Variants in CROCC observed in about 807,000 individuals in gnomAD.
CROCC encodes rootletin.
Under a neutral mutation model 245.2 loss-of-function variants are expected in CROCC, and 180 were observed. The ratio of observed to expected loss-of-function variants is 0.73; its 90% CI spans 0.65 to 0.83. The LOEUF is 0.83. CROCC is among the 40% of genes least tolerant of loss of function. The pLI is 0.00. For missense variants in CROCC, 2,688 were observed against 2,779.4 expected, an observed-to-expected ratio of 0.97 and a Z score of 0.74; for synonymous variants, 1,205 against 1,241.6, an observed-to-expected ratio of 0.97 and a Z score of 0.62.
At chr1:16,971,210 AGTGTGTGTGTGTGTGTGTGTGTGTGT>A (rs34364208) in intron 35 of CROCC, among the ~76,000 whole-genome samples, 1 of 144,024 alleles carries the variant, frequency 6.9e-6, no homozygotes, top group Admixed American at 6.9e-5. Context: ...ATGATGTCTG[AGTGTGTGTGTGTGTGTGTGTGTGTGT>A]GTGTGTGTGT....
chr1:16,930,303 A>G lies in CROCC; in HGVS notation c.639A>G (p.Gln213=). The G allele has an allele frequency of 6.2e-7, 1 of 1,607,004 alleles. No individual in the cohort carries two copies. The highest frequency in any genetic ancestry group is 8.5e-7 in the Non-Finnish European group (1 of 1,177,484). ...CCACCCAGGACACAGAGCACAGCCA[A>G]GACCTGGAAAGCGCCCTCATCCGGC... is the stretch of plus-strand genomic sequence containing the variant. ...QQRLRDTEHS[Q]DLESALIRLE... Residue 213 remains glutamine, a synonymous_variant, in exon 6 of 37, where the codon CAA becomes CAG. Coordinates refer to ENST00000375541, the MANE Select transcript of CROCC (RefSeq NM_014675.5).
At position 16,941,680 on chromosome 1, in the gene CROCC, C is replaced by G. The variant is rs1237270166; in HGVS notation, c.1808+1587C>G. Among the ~76,000 whole-genome samples, 4 of 151,662 alleles carry G rather than the reference C, an allele frequency of 2.6e-5. No individual in the cohort carries two copies. In the East Asian group the frequency reaches 7.7e-4, roughly 29 times the overall value. On this transcript the variant is annotated intron_variant, in intron 13 of 36. Transcript: ENST00000375541. ...CCGGGAGGCGGAGCTGGCAGCGAGC[C>G]GAGATGGCGCCACTGCACTCCAGCC...
rs755915443 is a variant in CROCC at position 16,966,662 on chromosome 1, T to C, written c.4860+91T>C. ...TTATGTGTGTCTCCCTGTGTCTGTC[T>C]GCCTGAGTCTCTCTGCAACCCACTG... On this transcript the variant is annotated intron_variant, in intron 30 of 36. Coordinates refer to ENST00000375541, the MANE Select transcript of CROCC (RefSeq NM_014675.5). This position sits in a 1 kb window ranked among gnomAD's most constrained non-coding sequence, Gnocchi z 4.8. 103 of 1,376,642 alleles carry C rather than the reference T, an allele frequency of 7.5e-5. No individual in the cohort carries two copies. The highest frequency in any genetic ancestry group is 6.7e-4 in the Middle Eastern group (3 of 4,508). 85.3% of individuals were successfully genotyped at this position (1,376,642 alleles called of 1,614,324 possible).
chr1:16,971,476 G>A lies in CROCC; in HGVS notation c.5796G>A (p.Val1932=). 6.5e-7 allele frequency: 1 copy of A among 1,534,938 alleles called. No homozygotes were observed. The highest frequency in any genetic ancestry group is 8.7e-7 in the Non-Finnish European group (1 of 1,145,038). The change falls in exon 36 of 37, where the codon GTG becomes GTA. Residue 1932 remains valine, a synonymous_variant. Coordinates refer to ENST00000375541, the MANE Select transcript of CROCC (RefSeq NM_014675.5). ...GCCCCTCCCTGCAGGCGCAGGTGGTGGTGCTGGAGCAGAGCCACAGCCCGG... is the reference window on the plus strand; with the variant it reads ...GCCCCTCCCTGCAGGCGCAGGTGGTAGTGCTGGAGCAGAGCCACAGCCCGG... ...RQIQQLEAQV[V]VLEQSHSPAQ...
chr1:16,939,769 A>C, intron 12 of CROCC, 125 bp from the exon 13 acceptor site: 1 of 1,190,456 alleles, frequency 8.4e-7, no homozygotes, highest in Admixed American at 2.1e-5. Context: ...ATCCTGCCCC[A>C]GGCCAGGTCC....
At chr1:16,950,593 G>A (rs2076142314) in intron 19 of CROCC, among the ~76,000 whole-genome samples, 1 of 152,232 alleles carries the variant, frequency 6.6e-6, no homozygotes, top group Non-Finnish European at 1.5e-5. Flanking sequence ...CCTGACCTAA[G>A]GTGATCCACC....
At chr1:16,951,264 G>GT (rs1334481137) in intron 20 of CROCC, 142 bp downstream of exon 20, 1 of 719,200 alleles carries the variant, frequency 1.4e-6, no homozygotes, top group African/African-American at 1.8e-5. Flanking sequence ...GGACTGGGGG[G>GT]ATGGGGAGGT....
chr1:16,920,589 A>G (rs1204789465), upstream of CROCC, among the ~76,000 whole-genome samples: 5 of 152,272 alleles, frequency 3.3e-5, no homozygotes, highest in Non-Finnish European at 7.3e-5. Flanking sequence ...CAAGTGACAG[A>G]GCTGAGTCTC....
In CROCC at chr1:16,946,239, C is replaced by A. The variant is rs755179193; in HGVS notation, c.2137-20C>A. 7.5e-6 allele frequency: 12 copies of A among 1,608,060 alleles called. No homozygotes were observed. The East Asian group carries it at 2.7e-4, about 36-fold the overall frequency. On this transcript the variant is annotated intron_variant, in intron 15 of 36. Coordinates refer to ENST00000375541, the MANE Select transcript of CROCC (RefSeq NM_014675.5). ...CCGACCTTTCTGCCTTTCCTCATTT[C>A]TCGGGGCCTGACCCTGCAGGCTGAG...
rs376055990 is a variant in CROCC, at chr1:16,954,754, G to C, written c.3342G>C (p.Thr1114=). The C allele has an allele frequency of 3.0e-4, 468 of 1,557,200 alleles. 2 individuals are homozygous for C. The South Asian group carries it at 3.1e-3, about 10-fold the overall frequency. The change falls in exon 23 of 37, where the codon ACG becomes ACC. Residue 1114 remains threonine (T), a synonymous_variant. Coordinates refer to ENST00000375541, the MANE Select transcript of CROCC (RefSeq NM_014675.5). The surrounding 1 kb of genome is among the most constrained non-coding windows in gnomAD (Gnocchi z 4.4). ...CCCAGAGCACCGTGAACGCTCTGAC[G>C]TCTGAGCTGCGGGACCTACGGGCCC... ...EQDRSTVNAL[T]SELRDLRAQR...
At position 16,948,957 on chromosome 1, in the gene CROCC, C is replaced by G. The variant is rs1172175547; in HGVS notation, c.2836+31C>G. ...AGGGGCTGGGGACTTGGGGGGAACA[C>G]CAGGTTCCAGCCCAGACTGCAGCCT... On this transcript the variant is annotated intron_variant, in intron 19 of 36. Transcript: ENST00000375541. 3.1e-6 allele frequency: 5 copies of G among 1,607,846 alleles called. No individual in the cohort carries two copies. The South Asian group carries it at 4.4e-5, about 14-fold the overall frequency.
chr1:16,922,199 T>C, intron 1 of CROCC, 121 bp downstream of exon 1: 2 of 1,058,812 alleles, frequency 1.9e-6, no homozygotes, highest in Admixed American at 6.2e-5. Context: ...GGTGGTGGGG[T>C]ATACAGGGGC....
Position 16,946,390 on chromosome 1 carries a change from C to G in CROCC, c.2268C>G (p.Asn756Lys), listed in dbSNP as rs780784912. 3 of 1,611,860 alleles carry G rather than the reference C, an allele frequency of 1.9e-6. No individual in the cohort carries two copies. The African/African-American group carries it at 4.0e-5, about 22-fold the overall frequency. ...TTGCTCAGGACAAGTTGGATCTGAA[C>G]CGCCTTGTCGCCCAGGTACGCTGTG... Reference protein sequence around the residue: ...ESLAQDKLDLNRLVAQLEEEK... With the variant: ...ESLAQDKLDLKRLVAQLEEEK... Residue 756 changes from asparagine to lysine, a missense_variant, in exon 16 of 37, where the codon AAC becomes AAG. Asn to Lys is a moderately conservative substitution (Grantham distance 94). Around this residue, in one of 9 missense-constraint regions of CROCC, gnomAD observed 295 missense variants for 241.7 expected, o/e 1.22. Transcript: ENST00000375541.
chr1:16,952,931 A>G (rs1370404980), intron 20 of CROCC: 5 of 207,368 alleles, frequency 2.4e-5, no homozygotes, highest in Admixed American at 1.5e-4. Flanking sequence ...TCCTGGCCCC[A>G]CCCCTGCCTG....
At position 16,968,283 on chromosome 1, in the gene CROCC, C is replaced by T. The variant is rs762582526; in HGVS notation, c.4941C>T (p.Ser1647=). 6 of 1,556,602 alleles carry T rather than the reference C, an allele frequency of 3.9e-6. No homozygotes were observed. The South Asian group carries it at 4.7e-5, about 12-fold the overall frequency. ...GCCTGAAGGAGGTTCTGGACGCCTC[C>T]GAGAGCCGCACTGTCAAGCTGGAGC... ...KRRLKEVLDA[S]ESRTVKLELQ... is the part of the protein sequence containing the mutation. Residue 1647 remains serine (S), a synonymous_variant, in exon 31 of 37, where the codon TCC becomes TCT. Transcript: ENST00000375541.
rs1171946462 is a variant in CROCC at position 16,968,350 on chromosome 1, C to T, written c.5008C>T (p.Leu1670=). The T allele has an allele frequency of 6.5e-7, 1 of 1,544,208 alleles. No individual in the cohort carries two copies. Among genetic ancestry groups the T allele is most frequent in the Non-Finnish European group, 8.7e-7 (1 of 1,144,116 alleles). Reference sequence around the variant, plus strand: ...TGAGGGGGAGCTGCAGCGCAGCCGCCTGGGCCTCAGTGACCGCGAGGCCCA... The same window carrying T: ...TGAGGGGGAGCTGCAGCGCAGCCGCTTGGGCCTCAGTGACCGCGAGGCCCA... ...SLEGELQRSR[L]GLSDREAQAQ... Residue 1670 remains leucine (L), a synonymous_variant, in exon 31 of 37, where the codon CTG becomes TTG. Transcript: ENST00000375541.
intron 17 of CROCC, 48 bp downstream of exon 17, chr1:16,947,039 G>A (rs1183805714): frequency 1.3e-6 from 2 of 1,488,272 alleles, no homozygotes; most frequent in East Asian, 4.9e-5. Context: ...TGTGGGGCAG[G>A]CCGGGCTCCC....
At chr1:16,949,863 G>A (rs1292379002) in intron 19 of CROCC, among the ~76,000 whole-genome samples, 1 of 152,040 alleles carries the variant, frequency 6.6e-6, no homozygotes, top group African/African-American at 2.4e-5. Flanking sequence ...TCTGCCTTCT[G>A]GGTTCAAGCG....
chr1:16,963,158 G>C lies in CROCC; in HGVS notation c.4405+2028G>C, dbSNP rs909123652. 1.7e-4 allele frequency among the ~76,000 whole-genome samples: 25 copies of C among 149,410 alleles called. 1 individual carries two copies. The highest frequency in any genetic ancestry group is 1.5e-5 in the Non-Finnish European group (1 of 67,584). On this transcript the variant is annotated intron_variant, in intron 27 of 36. Coordinates refer to ENST00000375541, the MANE Select transcript of CROCC (RefSeq NM_014675.5). ...AGATCGCACCATTGCACTCTAGACT[G>C]GGCAACAAGAGCGAAACTCCGTCTC...
Sources: allele counts gnomAD v4.1 joint callset (sites outside exome capture counted in the v4.1 genomes callset), GRCh38; gene constraint gnomAD v4.1.1; regional missense constraint gnomAD v4.1.1; non-coding constraint Gnocchi (gnomAD v3.1); transcripts MANE v1.5; gene names NCBI Gene and HGNC (gene_info 2026-07-23, HGNC 2026-07-21).